Variants in ANXA8 observed in about 807,000 individuals in gnomAD.
The protein encoded by ANXA8 is annexin A8, also known as VAC-beta.
Under a neutral mutation model 26.8 loss-of-function variants are expected in ANXA8, and 9 were observed. That is an observed-to-expected ratio of 0.34 (90% CI 0.20 to 0.59). The LOEUF (loss-of-function observed/expected upper bound fraction) is 0.59. ANXA8 is among the 20% of genes least tolerant of loss of function. ANXA8 has a pLI of 0.84. For synonymous variants in ANXA8, 39 were observed against 94.8 expected (o/e 0.41, Z 3.42); for missense variants, 83 against 238.5 (o/e 0.35, Z 4.29).
chr10:47,975,058 C>T, the ANXA8 span, among the ~76,000 whole-genome samples: 1 of 149,834 alleles, frequency 6.7e-6, no homozygotes, highest in African/African-American at 2.4e-5. Flanking sequence ...ATACTCATTT[C>T]CAAACTTCTA....
the ANXA8 span, among the ~76,000 whole-genome samples, chr10:47,639,177 C>A: frequency 1.3e-5 from 2 of 148,770 alleles, no homozygotes; most frequent in Non-Finnish European, 3.0e-5. Context: ...GTCGCCCAGG[C>A]TGGAGTGCAG....
At chr10:47,944,929 G>C in the ANXA8 span, among the ~76,000 whole-genome samples, 1 of 144,724 alleles carries the variant, frequency 6.9e-6, no homozygotes, top group Non-Finnish European at 1.5e-5. Context: ...GCCCCATCTC[G>C]CTTCATGTGA....
the ANXA8 span, among the ~76,000 whole-genome samples, chr10:47,660,336 G>A: frequency 3.3e-5 from 5 of 150,634 alleles, no homozygotes; most frequent in African/African-American, 4.9e-5. Context: ...TATTATGCAA[G>A]TGACTGAATT....
the ANXA8 span, among the ~76,000 whole-genome samples, chr10:47,899,008 A>AC: frequency 6.8e-6 from 1 of 147,662 alleles, no homozygotes. Flanking sequence ...TAATTTTTGT[A>AC]TTTTTTTTTA....
chr10:47,547,873 C>T, the ANXA8 span, among the ~76,000 whole-genome samples: 13 of 139,064 alleles, frequency 9.3e-5, 1 homozygote, highest in Non-Finnish European at 1.4e-4. Flanking sequence ...CTACATGTAC[C>T]CCATAAATAT....
the ANXA8 span, among the ~76,000 whole-genome samples, chr10:47,726,638 TGTA>T: frequency 2.0e-5 from 3 of 152,284 alleles, no homozygotes; most frequent in African/African-American, 7.2e-5. Flanking sequence ...ATAAATAAAA[TGTA>T]GTAATTTATC....
chr10:47,710,273 C>T, the ANXA8 span: 12 of 1,482,678 alleles, frequency 8.1e-6, no homozygotes, highest in Non-Finnish European at 1.1e-5. Flanking sequence ...CATATGTGTC[C>T]TCAAAACATT....
At chr10:47,595,753 C>T in the ANXA8 span, among the ~76,000 whole-genome samples, 3 of 148,954 alleles carry the variant, frequency 2.0e-5, no homozygotes, top group Non-Finnish European at 4.4e-5. Flanking sequence ...ATTGGAGCAT[C>T]ACGATACATA....
chr10:47,691,221 T>C, the ANXA8 span: 1 of 1,478,988 alleles, frequency 6.8e-7, no homozygotes, highest in Non-Finnish European at 9.3e-7. Context: ...GATATAATTT[T>C]ACTCACGGGT....
intron 4 of ANXA8, among the ~76,000 whole-genome samples, chr10:47,476,648 G>A (rs1267855376): frequency 5.9e-5 from 4 of 67,606 alleles, no homozygotes; most frequent in Non-Finnish European, 1.1e-4. Context: ...GAGCGTGGGT[G>A]TAAAATGCCT....
the ANXA8 span, among the ~76,000 whole-genome samples, chr10:47,940,145 G>A: frequency 2.0e-5 from 3 of 151,104 alleles, no homozygotes; most frequent in African/African-American, 4.9e-5. Context: ...TTTGCACTTT[G>A]CCTTGTTCCT....
chr10:47,981,076 C>T, the ANXA8 span, among the ~76,000 whole-genome samples: 4 of 151,468 alleles, frequency 2.6e-5, no homozygotes, highest in African/African-American at 9.7e-5. Context: ...ACACTAAACC[C>T]AGAAACATAT....
the ANXA8 span, among the ~76,000 whole-genome samples, chr10:47,645,557 A>G: frequency 6.6e-6 from 1 of 151,316 alleles, no homozygotes; most frequent in Non-Finnish European, 1.5e-5. Flanking sequence ...AAGAAGAAGA[A>G]AAGAGAAAAA....
the ANXA8 span, among the ~76,000 whole-genome samples, chr10:47,761,085 A>AAC: frequency 1.3e-3 from 155 of 120,744 alleles, no homozygotes; most frequent in South Asian, 4.6e-3. Context: ...CATACCAGGC[A>AAC]ACACACACAC....
the ANXA8 span, among the ~76,000 whole-genome samples, chr10:47,956,819 A>ATTCAGGAGC: frequency 6.7e-6 from 1 of 149,916 alleles, no homozygotes; most frequent in South Asian, 2.1e-4. Context: ...GCAGTTGGTC[A>ATTCAGGAGC]TTCAGGAGCA....
At chr10:47,522,036 C>A in the ANXA8 span, among the ~76,000 whole-genome samples, 3 of 150,814 alleles carry the variant, frequency 2.0e-5, no homozygotes, top group Non-Finnish European at 4.4e-5. Flanking sequence ...ATCCGCCTGC[C>A]ACAGCCTCCC....
the ANXA8 span, among the ~76,000 whole-genome samples, chr10:47,570,643 G>A: frequency 5.3e-5 from 8 of 150,254 alleles, no homozygotes; most frequent in Admixed American, 6.6e-5. Context: ...TTATCCAAGC[G>A]TGATGGTGCA....
At chr10:47,687,419 C>G in the ANXA8 span, among the ~76,000 whole-genome samples, 1 of 151,676 alleles carries the variant, frequency 6.6e-6, no homozygotes, top group South Asian at 2.1e-4. Flanking sequence ...CTGGTGCCAT[C>G]ACGCCCTGGT....
chr10:47,594,207 T>A, the ANXA8 span, among the ~76,000 whole-genome samples: 1 of 150,690 alleles, frequency 6.6e-6, no homozygotes, highest in Non-Finnish European at 1.5e-5. Context: ...CTTAATAAAC[T>A]CCCCTTCAAA....
Sources: gnomAD v4.1 joint callset for allele counts (sites outside exome capture counted in the v4.1 genomes callset) on GRCh38, gnomAD v4.1.1 for gene constraint, MANE v1.5 for transcripts, NCBI Gene and HGNC (gene_info 2026-07-23, HGNC 2026-07-21) for gene names.